Variants in NAALADL2 observed in about 807,000 individuals in gnomAD.
The protein encoded by NAALADL2 is N-acetylated alpha-linked acidic dipeptidase like 2, also known as inactive N-acetylated-alpha-linked acidic dipeptidase-like protein 2.
Under a neutral mutation model 87.2 loss-of-function variants are expected in NAALADL2, and 76 were observed. The observed-to-expected ratio is 0.87, with a 90% CI of 0.72 to 1.05. The LOEUF is 1.05. NAALADL2 is among the 50% of genes least tolerant of loss of function. NAALADL2 has a pLI of 0.00. For missense variants in NAALADL2, 1,089 were observed against 945.8 expected (o/e 1.15, Z -1.99); for synonymous variants, 354 against 331.0 (o/e 1.07, Z -0.75).
At position 175,042,764 on chromosome 3, in the gene NAALADL2, T is replaced by C. The variant is rs1219362757; in HGVS notation, c.44-54026T>C. Among the ~76,000 whole-genome samples the C allele has an allele frequency of 2.0e-5, 3 of 152,334 alleles. No homozygotes were observed. In the East Asian group the frequency reaches 5.8e-4, roughly 29 times the overall value. On this transcript the variant is annotated intron_variant, in intron 1 of 13. Coordinates refer to ENST00000454872, the MANE Select transcript of NAALADL2 (RefSeq NM_207015.3). ...GAAAAATATCTATTCAGTTCCACTA[T>C]GGTTTGGATATTTGCCCCTCCAAAC...
chr3:175,423,294 T>C (rs1716173307), intron 5 of NAALADL2, among the ~76,000 whole-genome samples: 2 of 151,054 alleles, frequency 1.3e-5, no homozygotes, highest in South Asian at 4.2e-4. Flanking sequence ...ACTCTAAGTT[T>C]TAGGGTACAA....
intron 2 of NAALADL2, among the ~76,000 whole-genome samples, chr3:174,675,236 C>T (rs951818375): frequency 6.6e-6 from 1 of 151,900 alleles, no homozygotes; most frequent in African/African-American, 2.4e-5. Flanking sequence ...CCTAAAGGAG[C>T]TTTGAGATTA....
At position 174,626,987 on chromosome 3, in the gene NAALADL2, T is replaced by C. The variant is rs572119360; in HGVS notation, c.-115+76350T>C. Among the ~76,000 whole-genome samples the C allele has an allele frequency of 3.3e-5, 5 of 152,238 alleles. No individual in the cohort carries two copies. The South Asian group carries it at 1.0e-3, about 31-fold the overall frequency. The stretch of plus-strand genomic sequence containing the variant: ...TTATTCATAAAACTATTAACACCCA[T>C]TGTCCTATACTCTCATTCTTTCATT... On this transcript the variant is annotated intron_variant, in intron 2 of 3. Transcript: ENST00000434257.
chr3:174,587,611 A>T (rs1490174926), intron 2 of NAALADL2, among the ~76,000 whole-genome samples: 1 of 151,980 alleles, frequency 6.6e-6, no homozygotes, highest in East Asian at 1.9e-4. Context: ...TCTGTAAAGG[A>T]TTTTATTTCT....
At chr3:175,510,021 T>C (rs1379429704) in intron 9 of NAALADL2, among the ~76,000 whole-genome samples, 8 of 140,844 alleles carry the variant, frequency 5.7e-5, no homozygotes. Context: ...CCCACAACAG[T>C]CCCCAGTGTG....
chr3:174,972,532 T>A (rs912149147), intron 1 of NAALADL2, among the ~76,000 whole-genome samples: 1 of 152,162 alleles, frequency 6.6e-6, no homozygotes, highest in African/African-American at 2.4e-5. Context: ...GAGACATTAG[T>A]CAACTGTATT....
At chr3:175,783,266 G>A (rs1184920504) in intron 13 of NAALADL2, among the ~76,000 whole-genome samples, 5 of 152,072 alleles carry the variant, frequency 3.3e-5, no homozygotes, top group Admixed American at 3.3e-4. Flanking sequence ...GCTTTATGGG[G>A]ATGGCATTGA....
chr3:174,588,967 C>T (rs867193758), intron 2 of NAALADL2, among the ~76,000 whole-genome samples: 9 of 151,992 alleles, frequency 5.9e-5, no homozygotes, highest in South Asian at 2.1e-4. Context: ...TATGCCCTGC[C>T]CCCAGAGGTG....
chr3:175,739,918 T>G (rs1269768128), intron 12 of NAALADL2, among the ~76,000 whole-genome samples: 1 of 152,108 alleles, frequency 6.6e-6, no homozygotes, highest in Non-Finnish European at 1.5e-5. Context: ...CCAAAATAAA[T>G]GTCATAGCAG....
At chr3:175,393,402 A>G (rs1769334572) in intron 5 of NAALADL2, among the ~76,000 whole-genome samples, 1 of 150,896 alleles carries the variant, frequency 6.6e-6, no homozygotes, top group African/African-American at 2.4e-5. Context: ...GCAAAGTATT[A>G]CCCTAATTAT....
chr3:175,254,159 A>G (rs149422376), intron 3 of NAALADL2, among the ~76,000 whole-genome samples: 2 of 152,306 alleles, frequency 1.3e-5, no homozygotes, highest in East Asian at 3.9e-4. Flanking sequence ...GAAATATTTT[A>G]TCAAAGGAAG....
At chr3:174,899,878 T>TAA (rs11391562) in intron 1 of NAALADL2, among the ~76,000 whole-genome samples, 9 of 147,620 alleles carry the variant, frequency 6.1e-5, no homozygotes, top group African/African-American at 9.9e-5. Context: ...GTCCTGACAG[T>TAA]AAAAAAAAAA....
At chr3:174,460,969 C>T (rs10936794) in intron 1 of NAALADL2, among the ~76,000 whole-genome samples, 41,442 of 151,716 alleles carry the variant, frequency 0.27, 6,068 homozygotes, top group South Asian at 0.45. Flanking sequence ...CCCCTTGTTC[C>T]GTACTACTAG....
At chr3:174,978,454 T>A (rs1433193782) in intron 1 of NAALADL2, among the ~76,000 whole-genome samples, 1 of 152,210 alleles carries the variant, frequency 6.6e-6, no homozygotes, top group African/African-American at 2.4e-5. Context: ...AAAAGAGATG[T>A]TTGCTGTTAG....
chr3:175,132,172 G>C (rs1306546345), intron 2 of NAALADL2, among the ~76,000 whole-genome samples: 1 of 108,942 alleles, frequency 9.2e-6, no homozygotes, highest in African/African-American at 4.1e-5. Flanking sequence ...GGGGCAGCTG[G>C]CTGGGCAGAG....
At chr3:174,703,765 G>T (rs945289398) in intron 2 of NAALADL2, among the ~76,000 whole-genome samples, 2 of 152,080 alleles carry the variant, frequency 1.3e-5, no homozygotes, top group Non-Finnish European at 2.9e-5. Context: ...AGTTTCCCAC[G>T]AAAATATTTA....
At chr3:175,070,726 T>C (rs749768072) in intron 1 of NAALADL2, among the ~76,000 whole-genome samples, 4 of 152,078 alleles carry the variant, frequency 2.6e-5, no homozygotes, top group Non-Finnish European at 4.4e-5. Flanking sequence ...GAAAGCATGG[T>C]GAATTACTTT....
chr3:175,043,895 T>G (rs1407512177), intron 1 of NAALADL2, among the ~76,000 whole-genome samples: 1 of 152,204 alleles, frequency 6.6e-6, no homozygotes, highest in Non-Finnish European at 1.5e-5. Context: ...TAGGATTGTT[T>G]CATCTATTTT....
intron 1 of NAALADL2, among the ~76,000 whole-genome samples, chr3:175,008,593 G>A (rs1292231388): frequency 6.6e-6 from 1 of 152,136 alleles, no homozygotes; most frequent in East Asian, 1.9e-4. Context: ...TAAGTAAAGA[G>A]AATCACATAA....
Sources: gnomAD v4.1 joint callset for allele counts (sites outside exome capture counted in the v4.1 genomes callset) on GRCh38, gnomAD v4.1.1 for gene constraint, MANE v1.5 for transcripts, NCBI Gene and HGNC (gene_info 2026-07-23, HGNC 2026-07-21) for gene names.